Variants in PELI2 observed in about 807,000 individuals in gnomAD.
The protein encoded by PELI2 is E3 ubiquitin-protein ligase pellino homolog 2.
A neutral mutation model predicts 42.3 loss-of-function variants in PELI2; 23 were observed. The observed-to-expected ratio is 0.54, with a 90% CI of 0.39 to 0.77. The LOEUF is 0.77. Ranked by LOEUF, PELI2 falls within the 30% of genes least tolerant of loss-of-function variation. PELI2 has a pLI of 0.00. For missense variants in PELI2, 463 were observed against 553.2 expected, an observed-to-expected ratio of 0.84 and a Z score of 1.64; for synonymous variants, 245 against 212.2, an observed-to-expected ratio of 1.15 and a Z score of -1.34.
chr14:56,120,423 G>A (rs1883019273), intron 1 of PELI2, among the ~76,000 whole-genome samples: 1 of 152,222 alleles, frequency 6.6e-6, no homozygotes, highest in South Asian at 2.1e-4. Flanking sequence ...ATAGCTGGAA[G>A]TGCAGGGCAT....
chr14:56,235,948 AGG>A, intron 2 of PELI2, among the ~76,000 whole-genome samples: 1 of 152,318 alleles, frequency 6.6e-6, no homozygotes, highest in Admixed American at 6.5e-5. Context: ...TGTAAATACA[AGG>A]TATCAAACTC....
In PELI2 at chr14:56,288,294, C is replaced by T. The variant is rs1180610285; in HGVS notation, c.310-143C>T. 18 of 651,442 alleles carry T rather than the reference C, an allele frequency of 2.8e-5. No homozygotes were observed. The highest frequency in any genetic ancestry group is 3.9e-5 in the South Asian group (2 of 51,948). 40.4% of individuals were successfully genotyped at this position (651,442 alleles called of 1,614,324 possible). On this transcript the variant is annotated intron_variant, in intron 3 of 5. Transcript: ENST00000267460. This position sits in a 1 kb window ranked among gnomAD's most constrained non-coding sequence, Gnocchi z 4.6. ...CCCTAGTTAAATAGGAAAAGGAGCACGAATGAAAATCTTGCATTAAATTCT... is the reference window on the plus strand; with the variant it reads ...CCCTAGTTAAATAGGAAAAGGAGCATGAATGAAAATCTTGCATTAAATTCT...
At chr14:56,224,000 C>G (rs1887250370) in intron 2 of PELI2, among the ~76,000 whole-genome samples, 1 of 152,164 alleles carries the variant, frequency 6.6e-6, no homozygotes, top group Non-Finnish European at 1.5e-5. Flanking sequence ...CAAATGACTT[C>G]ATAGTCTACA....
At chr14:56,203,208 C>T (rs2139711155) in intron 2 of PELI2, among the ~76,000 whole-genome samples, 1 of 152,126 alleles carries the variant, frequency 6.6e-6, no homozygotes, top group South Asian at 2.1e-4. Flanking sequence ...ATCACAGTGG[C>T]ACATGCCAGT....
At chr14:56,241,867 T>G (rs949810345) in intron 2 of PELI2, among the ~76,000 whole-genome samples, 1 of 152,156 alleles carries the variant, frequency 6.6e-6, no homozygotes, top group Non-Finnish European at 1.5e-5. Flanking sequence ...ACTAAGACAT[T>G]TTAGATCCAT....
intron 2 of PELI2, among the ~76,000 whole-genome samples, chr14:56,208,713 A>T (rs1886606161): frequency 6.6e-6 from 1 of 152,260 alleles, no homozygotes. Context: ...AATGGGAAGT[A>T]CATAGATAGA....
chr14:56,165,744 C>A (rs1361620742), intron 1 of PELI2, among the ~76,000 whole-genome samples: 2 of 151,990 alleles, frequency 1.3e-5, no homozygotes, highest in South Asian at 4.2e-4. Context: ...GCTGAGTTGG[C>A]CCCTTTATCG....
At chr14:56,195,055 C>T (rs1370682159) in intron 2 of PELI2, among the ~76,000 whole-genome samples, 1 of 152,190 alleles carries the variant, frequency 6.6e-6, no homozygotes, top group Non-Finnish European at 1.5e-5. Flanking sequence ...ACTAGATGCT[C>T]ATTAATTTAA....
chr14:56,134,636 C>G (rs936137665), intron 1 of PELI2, among the ~76,000 whole-genome samples: 1 of 152,154 alleles, frequency 6.6e-6, no homozygotes, highest in African/African-American at 2.4e-5. Flanking sequence ...TGCCTCCACT[C>G]TGCTCCTATG....
intron 2 of PELI2, among the ~76,000 whole-genome samples, chr14:56,209,693 C>T (rs8006111): frequency 0.4 from 61,296 of 151,892 alleles, 13,063 homozygotes; most frequent in South Asian, 0.53. Flanking sequence ...TTTTAGAGAG[C>T]GTAAAGAAGT....
At chr14:56,123,603 C>G (rs1595533539) in intron 1 of PELI2, among the ~76,000 whole-genome samples, 1 of 152,196 alleles carries the variant, frequency 6.6e-6, no homozygotes, top group Middle Eastern at 3.4e-3. Context: ...TCTGGTCTGG[C>G]TTTCTCAGAT....
chr14:56,187,075 G>A (rs182432249), intron 2 of PELI2, among the ~76,000 whole-genome samples: 34 of 152,278 alleles, frequency 2.2e-4, no homozygotes, highest in Admixed American at 1.3e-4. Flanking sequence ...AAAGTTCAAG[G>A]AAGCTCAGTA....
chr14:56,283,023 TAG>T (rs1305122042), intron 3 of PELI2, among the ~76,000 whole-genome samples: 4 of 152,238 alleles, frequency 2.6e-5, no homozygotes, highest in Non-Finnish European at 5.9e-5. Flanking sequence ...GTACCTGTTA[TAG>T]GTAAGTCAGG....
intron 2 of PELI2, among the ~76,000 whole-genome samples, chr14:56,252,442 A>G (rs1888379636): frequency 6.6e-6 from 1 of 152,366 alleles, no homozygotes; most frequent in Non-Finnish European, 1.5e-5. Context: ...AAAGTTATTT[A>G]TATAAAATCA....
At position 56,290,444 on chromosome 14, in the gene PELI2, A is replaced by G. The variant is rs756674740; in HGVS notation, c.684A>G (p.Gln228=). The change falls in exon 5 of 6, where the codon CAA becomes CAG. Residue 228 remains glutamine (Q), a synonymous_variant. Coordinates refer to ENST00000267460, the MANE Select transcript of PELI2 (RefSeq NM_021255.3). Reference sequence around the variant, plus strand: ...TGCGAGAAACCAGGTCGGCCCAGCAACGAGGAAAGCTGGTGAGTGTGCTTC... The same window carrying G: ...TGCGAGAAACCAGGTCGGCCCAGCAGCGAGGAAAGCTGGTGAGTGTGCTTC... ...YTLRETRSAQ[Q]RGKLVESETN... 14 of 1,601,644 alleles carry G rather than the reference A, an allele frequency of 8.7e-6. No individual in the cohort carries two copies. In the African/African-American group the frequency reaches 1.3e-4, roughly 15 times the overall value.
intron 2 of PELI2, among the ~76,000 whole-genome samples, chr14:56,204,518 C>T (rs1028641569): frequency 2.0e-5 from 3 of 151,968 alleles, no homozygotes; most frequent in Non-Finnish European, 2.9e-5. Context: ...AAGATGACTG[C>T]GGTTTGCGGT....
intron 2 of PELI2, among the ~76,000 whole-genome samples, chr14:56,198,475 A>C (rs1278459175): frequency 6.6e-6 from 1 of 152,222 alleles, no homozygotes; most frequent in Non-Finnish European, 1.5e-5. Flanking sequence ...ACAACATCAC[A>C]TGCACTGAGT....
In PELI2 at chr14:56,240,361, G is replaced by A. The variant is rs1887929778; in HGVS notation, c.208-39315G>A. Among the ~76,000 whole-genome samples, 2 of 152,108 alleles carry A rather than the reference G, an allele frequency of 1.3e-5. 1 individual carries two copies. Among genetic ancestry groups the A allele is most frequent in the South Asian group, 4.1e-4 (2 of 4,822 alleles). The stretch of plus-strand genomic sequence containing the variant: ...CGTAGGAGGTAGAAATGACCAACTG[G>A]GTAAATGATTGGATGTGGGGCTTAA... On this transcript the variant is annotated intron_variant, in intron 2 of 5. Transcript: ENST00000267460.
chr14:56,231,019 A>G (rs1028607496), intron 2 of PELI2, among the ~76,000 whole-genome samples: 1 of 152,248 alleles, frequency 6.6e-6, no homozygotes, highest in Non-Finnish European at 1.5e-5. Context: ...AGGCCATTAC[A>G]TAATGGTAAA....
Sources: allele counts gnomAD v4.1 joint callset (sites outside exome capture counted in the v4.1 genomes callset), GRCh38; gene constraint gnomAD v4.1.1; non-coding constraint Gnocchi (gnomAD v3.1); transcripts MANE v1.5; gene names NCBI Gene and HGNC (gene_info 2026-07-23, HGNC 2026-07-21).